NCALD: variants seen among roughly 807,000 people sequenced by gnomAD.
NCALD encodes the protein neurocalcin-delta.
Under a neutral mutation model 18.6 loss-of-function variants are expected in NCALD, and 10 were observed. That is an observed-to-expected ratio of 0.54 (90% CI 0.33 to 0.91). The LOEUF (loss-of-function observed/expected upper bound fraction) is 0.91. NCALD is among the 40% of genes least tolerant of loss of function. The pLI, the probability that NCALD is intolerant of heterozygous loss-of-function variation, is 0.03. For missense variants in NCALD, 184 were observed against 247.6 expected, an observed-to-expected ratio of 0.74 and a Z score of 1.72; for synonymous variants, 88 against 87.4, an observed-to-expected ratio of 1.01 and a Z score of -0.04.
chr8:101,919,261 C>T (rs1818078293), intron 2 of NCALD, among the ~76,000 whole-genome samples: 1 of 152,056 alleles, frequency 6.6e-6, no homozygotes, highest in Non-Finnish European at 1.5e-5. Context: ...ACAAAGTCAA[C>T]AAAAAGAAGC....
intron 4 of NCALD, among the ~76,000 whole-genome samples, chr8:101,861,026 C>T (rs1315790615): frequency 2.0e-5 from 3 of 152,024 alleles, no homozygotes; most frequent in Non-Finnish European, 4.4e-5. Context: ...TATTTAAAAA[C>T]TCATCACTCC....
intron 1 of NCALD, among the ~76,000 whole-genome samples, chr8:102,067,492 C>G (rs1824047802): frequency 6.6e-6 from 1 of 151,944 alleles, no homozygotes; most frequent in Non-Finnish European, 1.5e-5. Context: ...CTTATATGAC[C>G]TTGACATAAT....
At chr8:101,939,111 A>G (rs1459924968) in intron 2 of NCALD, among the ~76,000 whole-genome samples, 1 of 152,208 alleles carries the variant, frequency 6.6e-6, no homozygotes, top group African/African-American at 2.4e-5. Flanking sequence ...ACTTTAGTCA[A>G]TGAGTACCCA....
intron 4 of NCALD, among the ~76,000 whole-genome samples, chr8:101,810,026 G>A (rs1467473626): frequency 1.3e-5 from 2 of 152,160 alleles, no homozygotes; most frequent in Non-Finnish European, 2.9e-5. Flanking sequence ...TCCATGTGGT[G>A]CCTGTGTTGA....
intron 4 of NCALD, among the ~76,000 whole-genome samples, chr8:101,798,940 A>G (rs1196692721): frequency 6.6e-6 from 1 of 152,228 alleles, no homozygotes; most frequent in Admixed American, 6.5e-5. Flanking sequence ...TACTGGAACA[A>G]CACCAAAATC....
chr8:101,854,940 A>G (rs1477530103), intron 4 of NCALD, among the ~76,000 whole-genome samples: 1 of 152,130 alleles, frequency 6.6e-6, no homozygotes, highest in East Asian at 1.9e-4. Flanking sequence ...TGTTGGTCCA[A>G]CTGGGGAAGA....
intron 4 of NCALD, among the ~76,000 whole-genome samples, chr8:101,822,196 T>C (rs1813749759): frequency 6.6e-6 from 1 of 152,202 alleles, no homozygotes; most frequent in Non-Finnish European, 1.5e-5. Flanking sequence ...TATTCCTCGA[T>C]TTTTGTAGTC....
chr8:102,053,006 CAG>C (rs1823505984), intron 1 of NCALD, among the ~76,000 whole-genome samples: 1 of 152,156 alleles, frequency 6.6e-6, no homozygotes, highest in Non-Finnish European at 1.5e-5. Context: ...GCCCACAGGC[CAG>C]AGTTTGCCCT....
upstream of NCALD, among the ~76,000 whole-genome samples, chr8:101,795,327 A>T (rs1812600143): frequency 6.6e-6 from 1 of 152,190 alleles, no homozygotes; most frequent in African/African-American, 2.4e-5. Flanking sequence ...TTCCATTTGG[A>T]CTGCTATAAC....
intron 2 of NCALD, among the ~76,000 whole-genome samples, chr8:101,927,742 C>T (rs572164635): frequency 1.3e-5 from 2 of 152,266 alleles, no homozygotes; most frequent in South Asian, 4.1e-4. Flanking sequence ...TACCCAGTGT[C>T]CTGTCCTTGT....
intron 4 of NCALD, among the ~76,000 whole-genome samples, chr8:101,800,162 A>G (rs1372905392): frequency 6.6e-6 from 1 of 152,224 alleles, no homozygotes; most frequent in Non-Finnish European, 1.5e-5. Flanking sequence ...GTAAATATAT[A>G]GATAAACCTA....
At chr8:101,945,495 C>T (rs1291940339) in intron 2 of NCALD, among the ~76,000 whole-genome samples, 1 of 152,186 alleles carries the variant, frequency 6.6e-6, no homozygotes, top group Non-Finnish European at 1.5e-5. Context: ...AGAACTTCAT[C>T]TCTATTTAAT....
At chr8:102,029,835 C>G (rs1822605042) in intron 1 of NCALD, among the ~76,000 whole-genome samples, 1 of 152,170 alleles carries the variant, frequency 6.6e-6, no homozygotes, top group South Asian at 2.1e-4. Flanking sequence ...CTACTGCTCT[C>G]AAAGAAGCCT....
intron 1 of NCALD, among the ~76,000 whole-genome samples, chr8:101,723,194 C>G (rs1160593597): frequency 1.3e-5 from 2 of 148,312 alleles, no homozygotes; most frequent in Non-Finnish European, 2.9e-5. Flanking sequence ...TAACTCCAGT[C>G]AGTCATTAAA....
At chr8:101,946,088 T>C (rs765338543) in intron 2 of NCALD, among the ~76,000 whole-genome samples, 4 of 152,142 alleles carry the variant, frequency 2.6e-5, no homozygotes, top group Non-Finnish European at 5.9e-5. Context: ...TTCTTTTGGT[T>C]CCCAATGTCT....
At position 101,916,021 on chromosome 8, in the gene NCALD, G is replaced by A. The variant is rs906431871; in HGVS notation, c.-156-163C>T. ...AATAATATGTTTTGGAAAAGAGAGT[G>A]CAGGTTGGGGTGGAGGTGAGGTTCA... On this transcript the variant is annotated intron_variant, in intron 2 of 6. Transcript: ENST00000311028. Among the ~76,000 whole-genome samples the A allele has an allele frequency of 3.3e-5, 5 of 152,114 alleles. No homozygotes were observed. The South Asian group carries it at 6.2e-4, about 19-fold the overall frequency.
At chr8:102,112,075 A>T (rs1350643550) in intron 1 of NCALD, among the ~76,000 whole-genome samples, 1 of 152,162 alleles carries the variant, frequency 6.6e-6, no homozygotes, top group Non-Finnish European at 1.5e-5. Context: ...GAAAATAATG[A>T]TCTCCCTAAT....
At chr8:101,707,323 G>C (rs1586258973) in intron 2 of NCALD, among the ~76,000 whole-genome samples, 2 of 152,186 alleles carry the variant, frequency 1.3e-5, no homozygotes, top group Admixed American at 6.5e-5. Context: ...CTAACAGCCT[G>C]GTTGTCTGAA....
chr8:101,799,190 A>T (rs1445884987), intron 4 of NCALD, among the ~76,000 whole-genome samples: 1 of 152,018 alleles, frequency 6.6e-6, no homozygotes, highest in East Asian at 1.9e-4. Flanking sequence ...AACAAGTATA[A>T]AAAAAAATTT....
Sources: allele counts gnomAD v4.1 joint callset (sites outside exome capture counted in the v4.1 genomes callset), GRCh38; gene constraint gnomAD v4.1.1; transcripts MANE v1.5; gene names NCBI Gene and HGNC (gene_info 2026-07-23, HGNC 2026-07-21).